ZNF385D: variants seen among roughly 807,000 people sequenced by gnomAD.
ZNF385D encodes zinc finger protein 659.
ZNF385D carries 15 observed loss-of-function variants against 35.8 expected under a neutral mutation model. The ratio of observed to expected loss-of-function variants is 0.42; its 90% confidence interval spans 0.28 to 0.64. The LOEUF (loss-of-function observed/expected upper bound fraction) is 0.64. Among genes scored for constraint, ZNF385D ranks in the 30% least tolerant of loss-of-function variants. The pLI is 0.23. For missense variants in ZNF385D, 474 were observed against 494.6 expected (o/e 0.96, Z 0.39); for synonymous variants, 212 against 186.8 (o/e 1.13, Z -1.10).
chr3:21,775,237 T>A (rs1056905806), intron 3 of ZNF385D, among the ~76,000 whole-genome samples: 19 of 151,824 alleles, frequency 1.3e-4, no homozygotes, highest in African/African-American at 4.1e-4. Context: ...TATGTTTCCT[T>A]TTTTATTAAC....
chr3:21,582,259 T>G (rs1295001971), intron 2 of ZNF385D, among the ~76,000 whole-genome samples: 1 of 152,184 alleles, frequency 6.6e-6, no homozygotes, highest in African/African-American at 2.4e-5. Context: ...GAATCTGGGT[T>G]TTTTGGTGGT....
chr3:21,715,829 C>A (rs1169940385), intron 1 of ZNF385D, among the ~76,000 whole-genome samples: 1 of 152,096 alleles, frequency 6.6e-6, no homozygotes, highest in South Asian at 2.1e-4. Context: ...CTAGACTTCT[C>A]CCCTAGACTT....
intron 3 of ZNF385D, among the ~76,000 whole-genome samples, chr3:21,817,187 G>A (rs558750011): frequency 6.6e-6 from 1 of 152,246 alleles, no homozygotes; most frequent in East Asian, 1.9e-4. Flanking sequence ...ATTAATTCAA[G>A]ATGGATTAAA....
At chr3:22,272,017 T>C (rs965544728) in intron 2 of ZNF385D, among the ~76,000 whole-genome samples, 1 of 152,068 alleles carries the variant, frequency 6.6e-6, no homozygotes, top group African/African-American at 2.4e-5. Context: ...CTTTACAATA[T>C]GCAGTGGTGC....
rs1700540872 is a variant in ZNF385D, at chr3:21,414,889, T to C, written c.*6325A>G. On this transcript the variant is annotated 3_prime_UTR_variant, in exon 8 of 8. Coordinates refer to ENST00000281523, the MANE Select transcript of ZNF385D (RefSeq NM_024697.3). ...ACTTTCCAGGATCTCACGAACTCAA[T>C]TCCTTTTTCATCTCTACTAATGTTA... is the stretch of plus-strand genomic sequence containing the variant. The C allele has an allele frequency of 6.6e-6, 1 of 152,152 alleles. No homozygotes were observed. Among genetic ancestry groups the C allele is most frequent in the South Asian group, 2.1e-4 (1 of 4,832 alleles). The allele number at this position is 152,152 out of a possible 1,614,324, so 9.4% of individuals were successfully genotyped here.
intron 2 of ZNF385D, among the ~76,000 whole-genome samples, chr3:21,610,133 G>A (rs2064623067): frequency 1.7e-5 from 2 of 120,816 alleles, no homozygotes; most frequent in African/African-American, 7.0e-5. Flanking sequence ...TTAGGCAACA[G>A]TCGCATCTAC....
chr3:21,765,452 G>A (rs1021331457), intron 3 of ZNF385D, among the ~76,000 whole-genome samples: 1 of 152,050 alleles, frequency 6.6e-6, no homozygotes, highest in Non-Finnish European at 1.5e-5. Flanking sequence ...GCTTCTAAAT[G>A]GGATTTTCTG....
At chr3:21,988,868 G>T (rs184766227) in intron 3 of ZNF385D, among the ~76,000 whole-genome samples, 260 of 152,326 alleles carry the variant, frequency 1.7e-3, no homozygotes, top group African/African-American at 6.0e-3. Context: ...ATATACTCTC[G>T]TGGTGCGCCG....
intron 3 of ZNF385D, among the ~76,000 whole-genome samples, chr3:21,951,107 A>G (rs1702045658): frequency 6.6e-6 from 1 of 151,526 alleles, no homozygotes; most frequent in Non-Finnish European, 1.5e-5. Flanking sequence ...CTTGATGGGG[A>G]TAGCATTGAA....
intron 3 of ZNF385D, among the ~76,000 whole-genome samples, chr3:22,138,176 C>T (rs979971867): frequency 6.6e-6 from 1 of 152,024 alleles, no homozygotes; most frequent in Non-Finnish European, 1.5e-5. Flanking sequence ...AGGATACAAA[C>T]AAATGGAAGA....
intron 2 of ZNF385D, among the ~76,000 whole-genome samples, chr3:22,188,095 T>C (rs988949451): frequency 6.6e-6 from 1 of 152,102 alleles, no homozygotes; most frequent in African/African-American, 2.4e-5. Flanking sequence ...GGAGGAAAGA[T>C]GGGAAAGGAA....
At chr3:21,935,318 C>T (rs1701206711) in intron 3 of ZNF385D, among the ~76,000 whole-genome samples, 1 of 152,138 alleles carries the variant, frequency 6.6e-6, no homozygotes, top group South Asian at 2.1e-4. Context: ...AACACTTCTG[C>T]AGCACTTACT....
Position 22,123,274 on chromosome 3 carries a change from AAGAGTAC to A in ZNF385D, c.325+45536_325+45542del, listed in dbSNP as rs145663706. ...GAGTAGATCTTAAAGTGAGAAGTTC[AAGAGTAC>A]AGTTTTACACAAGTTATATTTGAGA... is the stretch of plus-strand genomic sequence containing the variant. On this transcript the variant is annotated intron_variant, in intron 3 of 5. Transcript: ENST00000494108. 2.3e-3 allele frequency among the ~76,000 whole-genome samples: 349 copies of A among 152,198 alleles called. 1 individual carries two copies. Among genetic ancestry groups the A allele is most frequent in the African/African-American group, 8.1e-3 (338 of 41,514 alleles).
chr3:21,661,084 C>T (rs947106621), intron 2 of ZNF385D, among the ~76,000 whole-genome samples: 4 of 152,170 alleles, frequency 2.6e-5, no homozygotes, highest in Non-Finnish European at 4.4e-5. Flanking sequence ...GTGTCTGCAA[C>T]TCCATGACTC....
chr3:22,321,357 T>C (rs542969618), intron 2 of ZNF385D, among the ~76,000 whole-genome samples: 2 of 152,076 alleles, frequency 1.3e-5, no homozygotes, highest in Non-Finnish European at 2.9e-5. Flanking sequence ...TGTGTGTACT[T>C]TTTTTAAAAA....
intron 3 of ZNF385D, among the ~76,000 whole-genome samples, chr3:21,787,257 T>A (rs1357428057): frequency 2.6e-5 from 4 of 152,172 alleles, no homozygotes; most frequent in Admixed American, 2.0e-4. Flanking sequence ...GTACCTCAGG[T>A]GTGGGTGCAA....
At chr3:21,632,835 A>G (rs1046281078) in intron 2 of ZNF385D, among the ~76,000 whole-genome samples, 1 of 152,152 alleles carries the variant, frequency 6.6e-6, no homozygotes, top group African/African-American at 2.4e-5. Context: ...TCATCAAGCA[A>G]TGGGAACTCC....
rs566100722 is a variant in ZNF385D at position 22,062,720 on chromosome 3, A to G, written c.325+106097T>C. 5.3e-5 allele frequency among the ~76,000 whole-genome samples: 8 copies of G among 152,282 alleles called. No homozygotes were observed. In the East Asian group the frequency reaches 5.8e-4, roughly 11 times the overall value. ...TAGAGTGTAGTAGAATTAACAATGT[A>G]TGGTTTGTGGGAGTTGGTCATAAAA... On this transcript the variant is annotated intron_variant, in intron 3 of 5. Coordinates refer to the ZNF385D transcript ENST00000494108.
intron 2 of ZNF385D, among the ~76,000 whole-genome samples, chr3:22,222,756 G>A (rs1280730140): frequency 1.3e-5 from 2 of 152,170 alleles, no homozygotes; most frequent in African/African-American, 4.8e-5. Flanking sequence ...TAAGTAAAAT[G>A]TGAATTTTTA....
Sources: gnomAD v4.1 joint callset for allele counts (sites outside exome capture counted in the v4.1 genomes callset) on GRCh38, gnomAD v4.1.1 for gene constraint, MANE v1.5 for transcripts, NCBI Gene and HGNC (gene_info 2026-07-23, HGNC 2026-07-21) for gene names.